GALNT18: variants seen among roughly 807,000 people sequenced by gnomAD.
GALNT18 encodes polypeptide N-acetylgalactosaminyltransferase 18.
GALNT18 carries 44 observed loss-of-function variants against 69.5 expected under a neutral mutation model. The observed-to-expected ratio is 0.63, with a 90% CI of 0.50 to 0.81. GALNT18 has a LOEUF of 0.81. GALNT18 is among the 40% of genes least tolerant of loss of function. The pLI is 0.00. For missense variants in GALNT18, 715 were observed against 810.0 expected, an observed-to-expected ratio of 0.88 and a Z score of 1.42; for synonymous variants, 364 against 318.2, an observed-to-expected ratio of 1.14 and a Z score of -1.53.
In GALNT18 at chr11:11,613,769, A is replaced by G. The variant is rs370791957; in HGVS notation, c.235+7590T>C. 2.6e-5 allele frequency among the ~76,000 whole-genome samples: 4 copies of G among 152,178 alleles called. No homozygotes were observed. The highest frequency in any genetic ancestry group is 4.4e-5 in the Non-Finnish European group (3 of 68,034). On this transcript the variant is annotated intron_variant, in intron 1 of 10. Transcript: ENST00000227756. This position sits in a 1 kb window ranked among gnomAD's most constrained non-coding sequence, Gnocchi z 4.2. ...GCATAAACAGCATGGTCCACCATTC[A>G]TTGATGGTGGCTTAGCCACCAGTGG...
At chr11:11,352,427 T>C (rs1433568294) in intron 6 of GALNT18, 38 of 1,614,052 alleles carry the variant, frequency 2.4e-5, no homozygotes, top group Middle Eastern at 1.6e-4. Flanking sequence ...CATGGAAAAA[T>C]GGCTCCTTCC....
chr11:11,351,966 G>A, intron 6 of GALNT18: 1 of 1,605,930 alleles, frequency 6.2e-7, no homozygotes, highest in Admixed American at 1.7e-5. Context: ...GCCAGTGGCA[G>A]CTGGAACAGG....
chr11:11,496,350 A>C lies in GALNT18; in HGVS notation c.236-47414T>G, dbSNP rs1383536486. Among the ~76,000 whole-genome samples, 1 of 152,192 alleles carries C rather than the reference A, an allele frequency of 6.6e-6. No homozygotes were observed. Among genetic ancestry groups the C allele is most frequent in the African/African-American group, 2.4e-5 (1 of 41,466 alleles). The stretch of plus-strand genomic sequence containing the variant: ...AACACTCCACATGCTGCCATACTGC[A>C]AACTGGGTCCAATTACAGGGAAGGA... On this transcript the variant is annotated intron_variant, in intron 1 of 10. Coordinates refer to ENST00000227756, the MANE Select transcript of GALNT18 (RefSeq NM_198516.3). This position sits in a 1 kb window ranked among gnomAD's most constrained non-coding sequence, Gnocchi z 4.0.
rs985260885 is a variant in GALNT18, at chr11:11,500,473, A to T, written c.236-51537T>A. Among the ~76,000 whole-genome samples the T allele has an allele frequency of 6.6e-6, 1 of 152,220 alleles. No individual in the cohort carries two copies. The highest frequency in any genetic ancestry group is 2.4e-5 in the African/African-American group (1 of 41,462). ...AGTTCAGGCCAATACCCAGATCAGC[A>T]GCCATGTCTGGAGATGTTTTTGGTT... On this transcript the variant is annotated intron_variant, in intron 1 of 10. Transcript: ENST00000227756. The surrounding 1 kb of genome is among the most constrained non-coding windows in gnomAD (Gnocchi z 5.0).
At chr11:11,557,615 C>T (rs148458588) in intron 1 of GALNT18, among the ~76,000 whole-genome samples, 27 of 152,320 alleles carry the variant, frequency 1.8e-4, no homozygotes, top group Admixed American at 1.3e-4. Flanking sequence ...TAAAGACACA[C>T]AGAACGCTGT....
At position 11,425,077 on chromosome 11, in the gene GALNT18, G is replaced by T. The variant is rs554447529; in HGVS notation, c.595+7544C>A. Among the ~76,000 whole-genome samples, 7 of 152,318 alleles carry T rather than the reference G, an allele frequency of 4.6e-5. No homozygotes were observed. The South Asian group carries it at 1.4e-3, about 32-fold the overall frequency. The stretch of plus-strand genomic sequence containing the variant: ...GCAGGTTTCTGCCCAATGTAGGTCC[G>T]CAGTTTCCTCCCAAGAGCCAGCTAG... On this transcript the variant is annotated intron_variant, in intron 3 of 10. Transcript: ENST00000227756.
At chr11:11,528,710 T>C (rs1018095159) in intron 1 of GALNT18, among the ~76,000 whole-genome samples, 3 of 152,070 alleles carry the variant, frequency 2.0e-5, no homozygotes, top group African/African-American at 7.3e-5. Context: ...TGATGGGAGC[T>C]AGGACCTGGG....
intron 1 of GALNT18, among the ~76,000 whole-genome samples, chr11:11,472,104 T>C (rs1348499033): frequency 1.3e-5 from 2 of 152,152 alleles, no homozygotes; most frequent in Non-Finnish European, 2.9e-5. Context: ...CCAGGAAAGA[T>C]CAAATGATCT....
intron 3 of GALNT18, among the ~76,000 whole-genome samples, chr11:11,408,373 A>G (rs1296043476): frequency 1.0e-5 from 1 of 99,126 alleles, no homozygotes; most frequent in African/African-American, 4.7e-5. Context: ...TCAAAAAAAA[A>G]AAAAAAAAAA....
intron 1 of GALNT18, among the ~76,000 whole-genome samples, chr11:11,607,116 G>T (rs1159429004): frequency 6.6e-6 from 1 of 152,236 alleles, no homozygotes; most frequent in Non-Finnish European, 1.5e-5. Context: ...CAGAGTGAAA[G>T]AAGACATTTA....
intron 6 of GALNT18, chr11:11,352,009 G>A: frequency 6.2e-7 from 1 of 1,613,234 alleles, no homozygotes; most frequent in Middle Eastern, 1.7e-4. Flanking sequence ...GCAATCACTG[G>A]TGAGCCTGCC....
At chr11:11,568,479 G>A (rs1423262993) in intron 1 of GALNT18, among the ~76,000 whole-genome samples, 1 of 152,132 alleles carries the variant, frequency 6.6e-6, no homozygotes, top group African/African-American at 2.4e-5. Flanking sequence ...CTTAGTTCAT[G>A]ACTCATCCTG....
Position 11,379,212 on chromosome 11 carries a change from C to T in GALNT18, c.648G>A (p.Lys216=). The change falls in exon 4 of 11, where the codon AAG becomes AAA. Residue 216 remains lysine (K), a synonymous_variant. Coordinates refer to ENST00000227756, the MANE Select transcript of GALNT18 (RefSeq NM_198516.3). ...TEYVDKVNSQ[K]PGFIKVVRHS... Reference sequence around the variant, plus strand: ...GACGCACGACTTTGATGAAGCCTGGCTTCTGGCTGTTCACCTTGTCCACAT... The same window carrying T: ...GACGCACGACTTTGATGAAGCCTGGTTTCTGGCTGTTCACCTTGTCCACAT... 1.2e-6 allele frequency: 2 copies of T among 1,613,218 alleles called. No individual in the cohort carries two copies. Among genetic ancestry groups the T allele is most frequent in the South Asian group, 1.1e-5 (1 of 91,026 alleles).
At chr11:11,353,565 C>CT (rs146549066) in intron 6 of GALNT18, among the ~76,000 whole-genome samples, 2 of 152,126 alleles carry the variant, frequency 1.3e-5, no homozygotes, top group African/African-American at 4.8e-5. Flanking sequence ...TAAAGTATTT[C>CT]TTTTTTTATG....
chr11:11,440,228 G>A (rs190747540), intron 2 of GALNT18, among the ~76,000 whole-genome samples: 4 of 152,314 alleles, frequency 2.6e-5, no homozygotes, highest in Admixed American at 1.3e-4. Flanking sequence ...CATTTACAAC[G>A]TAAGCAACCA....
At position 11,523,563 on chromosome 11, in the gene GALNT18, C is replaced by T. The variant is rs1039201042; in HGVS notation, c.236-74627G>A. 6.6e-6 allele frequency among the ~76,000 whole-genome samples: 1 copy of T among 151,784 alleles called. No homozygotes were observed. Among genetic ancestry groups the T allele is most frequent in the African/African-American group, 2.4e-5 (1 of 41,316 alleles). ...TGAAACCCCGTCTCTACTAAAAATA[C>T]AAAAAATTAGCCAGGCGTGTTGGTG... On this transcript the variant is annotated intron_variant, in intron 1 of 10. Transcript: ENST00000227756. The surrounding 1 kb of genome is among the most constrained non-coding windows in gnomAD (Gnocchi z 4.3).
At chr11:11,447,865 C>A (rs1232722537) in intron 2 of GALNT18, among the ~76,000 whole-genome samples, 1 of 152,186 alleles carries the variant, frequency 6.6e-6, no homozygotes, top group Non-Finnish European at 1.5e-5. Flanking sequence ...CACAGCCAAA[C>A]CGTATCATCC....
rs988211926 is a variant in GALNT18 at position 11,382,153 on chromosome 11, C to T, written c.596-2889G>A. Among the ~76,000 whole-genome samples the T allele has an allele frequency of 6.6e-6, 1 of 152,148 alleles. No homozygotes were observed. The highest frequency in any genetic ancestry group is 2.4e-5 in the African/African-American group (1 of 41,430). ...ACCAGATAGTAGAAAAATTCCATCCCCAGTTAGTTGCATCCCAAACATGTG... is the reference window on the plus strand; with the variant it reads ...ACCAGATAGTAGAAAAATTCCATCCTCAGTTAGTTGCATCCCAAACATGTG... On this transcript the variant is annotated intron_variant, in intron 3 of 10. Coordinates refer to ENST00000227756, the MANE Select transcript of GALNT18 (RefSeq NM_198516.3). This position sits in a 1 kb window ranked among gnomAD's most constrained non-coding sequence, Gnocchi z 4.3.
Position 11,463,574 on chromosome 11 carries a change from T to C in GALNT18, c.236-14638A>G. On this transcript the variant is annotated intron_variant, in intron 1 of 10. Coordinates refer to ENST00000227756, the MANE Select transcript of GALNT18 (RefSeq NM_198516.3). This position sits in a 1 kb window ranked among gnomAD's most constrained non-coding sequence, Gnocchi z 4.2. ...TCACTCCCAGCAGCTGTCGGCTCAC[T>C]GGACGTCTTTTCATTACTGTCCTAA... Among the ~76,000 whole-genome samples the C allele has an allele frequency of 6.6e-6, 1 of 152,198 alleles. No homozygotes were observed. Among genetic ancestry groups the C allele is most frequent in the East Asian group, 1.9e-4 (1 of 5,186 alleles).
Sources: allele counts gnomAD v4.1 joint callset (sites outside exome capture counted in the v4.1 genomes callset), GRCh38; gene constraint gnomAD v4.1.1; non-coding constraint Gnocchi (gnomAD v3.1); transcripts MANE v1.5; gene names NCBI Gene and HGNC (gene_info 2026-07-23, HGNC 2026-07-21).